CCDC198: variants seen among roughly 807,000 people sequenced by gnomAD.
CCDC198 encodes the protein factor associated with metabolism and energy.
A neutral mutation model predicts 35.6 loss-of-function variants in CCDC198; 18 were observed. The observed-to-expected ratio is 0.51, with a 90% CI of 0.35 to 0.75. The LOEUF (loss-of-function observed/expected upper bound fraction) is 0.75. CCDC198 is among the 30% of genes least tolerant of loss of function. The pLI is 0.01. For synonymous variants in CCDC198, 119 were observed against 113.4 expected (o/e 1.05, Z -0.31); for missense variants, 365 against 343.7 (o/e 1.06, Z -0.49).
intron 5 of CCDC198, among the ~76,000 whole-genome samples, 156 bp from the exon 6 acceptor site, chr14:57,471,746 A>G (rs574653946): frequency 7.1e-6 from 1 of 140,660 alleles, no homozygotes; most frequent in East Asian, 2.1e-4. Flanking sequence ...ATATATATAC[A>G]TTTCAACTGG....
intron 2 of CCDC198, among the ~76,000 whole-genome samples, chr14:57,487,138 A>T (rs74909129): frequency 6.6e-6 from 1 of 152,320 alleles, no homozygotes; most frequent in East Asian, 1.9e-4. Context: ...GAGATGCCTC[A>T]CTTCATCATC....
chr14:57,474,752 C>T (rs570522826), intron 5 of CCDC198, among the ~76,000 whole-genome samples: 40 of 152,102 alleles, frequency 2.6e-4, no homozygotes, highest in Non-Finnish European at 4.0e-4. Context: ...AAATGGGTTT[C>T]GGGTGAGCAG....
In CCDC198 at chr14:57,469,544, C is replaced by A. The variant is rs895071455; in HGVS notation, c.*1811G>T. ...CCCATTTTTTGTGTTTTAAGCCTTC[C>A]AAATTGACCACAATAAGTGAGGACA... On this transcript the variant is annotated 3_prime_UTR_variant, in exon 6 of 6. Transcript: ENST00000216445. The A allele has an allele frequency of 6.6e-6, 1 of 152,186 alleles. No individual in the cohort carries two copies. Among genetic ancestry groups the A allele is most frequent in the Admixed American group, 6.5e-5 (1 of 15,280 alleles). 9.4% of individuals were successfully genotyped at this position (152,186 alleles called of 1,614,324 possible). A position where few individuals can be genotyped will look rare whatever the true frequency, so the allele number is the denominator to read the frequency against.
intron 2 of CCDC198, among the ~76,000 whole-genome samples, chr14:57,489,476 T>C (rs941381457): frequency 6.6e-6 from 1 of 152,128 alleles, no homozygotes; most frequent in Non-Finnish European, 1.5e-5. Flanking sequence ...GTGGCACTTA[T>C]TTACTTTTAT....
Position 57,493,750 on chromosome 14 carries a change from G to A in CCDC198, c.-35C>T, listed in dbSNP as rs2067659283. On this transcript the variant is annotated 5_prime_UTR_variant, in exon 1 of 6. Transcript: ENST00000216445. ...AAGACATTCAGAGGAAAGCTGCGAG[G>A]GAAGTGGTTTTGGGGTCTTTAATAT... 1 of 1,549,764 alleles carries A rather than the reference G, an allele frequency of 6.5e-7. No homozygotes were observed. Among genetic ancestry groups the A allele is most frequent in the Non-Finnish European group, 8.9e-7 (1 of 1,127,324 alleles).
intron 1 of CCDC198, 123 bp downstream of exon 1, chr14:57,493,369 GC>G: frequency 1.2e-6 from 1 of 803,744 alleles, no homozygotes; most frequent in Non-Finnish European, 2.0e-6. Flanking sequence ...TTCAAAGATA[GC>G]CTAAATTCCT....
At chr14:57,490,446 C>T (rs1202508218) in intron 2 of CCDC198, among the ~76,000 whole-genome samples, 1 of 152,138 alleles carries the variant, frequency 6.6e-6, no homozygotes, top group African/African-American at 2.4e-5. Flanking sequence ...GATAGAAGGA[C>T]TATAGAAATT....
intron 5 of CCDC198, chr14:57,475,698 A>G: frequency 4.8e-6 from 2 of 412,374 alleles, no homozygotes; most frequent in Non-Finnish European, 9.5e-6. Context: ...CAGGAGCGAA[A>G]CTCTGTCTTA....
In CCDC198 at chr14:57,482,917, G is replaced by T. The variant is rs922619514; in HGVS notation, c.393+148C>A. 5 of 1,109,054 alleles carry T rather than the reference G, an allele frequency of 4.5e-6. No individual in the cohort carries two copies. In the African/African-American group the frequency reaches 7.8e-5, roughly 17 times the overall value. The allele number at this position is 1,109,054 out of a possible 1,614,324, so 68.7% of individuals were successfully genotyped here. On this transcript the variant is annotated intron_variant, in intron 3 of 5. Transcript: ENST00000216445. Reference sequence around the variant, plus strand: ...AGAAGAGAATAAATAGCTTTGAAAAGTTCTCACTCTGAATGACTTAACAGT... The same window carrying T: ...AGAAGAGAATAAATAGCTTTGAAAATTTCTCACTCTGAATGACTTAACAGT...
intron 1 of CCDC198, among the ~76,000 whole-genome samples, chr14:57,492,911 A>T (rs917540875): frequency 1.3e-5 from 2 of 152,178 alleles, no homozygotes; most frequent in Non-Finnish European, 2.9e-5. Flanking sequence ...AGAGCTTCCA[A>T]TCATAATGGG....
At chr14:57,476,396 C>T (rs1185992276) in intron 5 of CCDC198, among the ~76,000 whole-genome samples, 3 of 152,124 alleles carry the variant, frequency 2.0e-5, no homozygotes, top group African/African-American at 7.2e-5. Context: ...TACTGGGACT[C>T]AGGGAAGGGC....
chr14:57,493,778 CTTATTT>C lies in CCDC198; in HGVS notation c.-69_-64del. The stretch of plus-strand genomic sequence containing the variant: ...AGTGGTTTTGGGGTCTTTAATATAG[CTTATTT>C]TAATCAAAGCATTTCAGAAGTTTAC... On this transcript the variant is annotated 5_prime_UTR_variant, in exon 1 of 6. Transcript: ENST00000216445. 1 of 1,247,280 alleles carries C rather than the reference CTTATTT, an allele frequency of 8.0e-7. No individual in the cohort carries two copies. Among genetic ancestry groups the C allele is most frequent in the Non-Finnish European group, 1.1e-6 (1 of 883,850 alleles). The allele number at this position is 1,247,280 out of a possible 1,614,324, so 77.3% of individuals were successfully genotyped here.
intron 5 of CCDC198, chr14:57,478,356 TG>T: frequency 1.6e-6 from 1 of 618,810 alleles, no homozygotes; most frequent in Non-Finnish European, 2.0e-6. Context: ...TCTATCACCC[TG>T]GGGCGAATAG....
rs2066776635 is a variant in CCDC198 at position 57,469,320 on chromosome 14, T to A, written c.*2035A>T. ...ACACATTCATTAATTCAGCAAACAT[T>A]TAATGATAAACTCTTTGCCAGCTGT... On this transcript the variant is annotated 3_prime_UTR_variant, in exon 6 of 6. Coordinates refer to ENST00000216445, the MANE Select transcript of CCDC198 (RefSeq NM_018168.4). 6.6e-6 allele frequency: 1 copy of A among 152,196 alleles called. No individual in the cohort carries two copies. Among genetic ancestry groups the A allele is most frequent in the Non-Finnish European group, 1.5e-5 (1 of 68,042 alleles). The allele number at this position is 152,196 out of a possible 1,614,324, so 9.4% of individuals were successfully genotyped here.
chr14:57,489,740 A>G (rs977822510), intron 2 of CCDC198, among the ~76,000 whole-genome samples: 1 of 152,148 alleles, frequency 6.6e-6, no homozygotes, highest in Non-Finnish European at 1.5e-5. Flanking sequence ...TATAAAAAGT[A>G]CTTGTGAGCT....
At chr14:57,487,163 AATGG>A (rs1292056823) in intron 2 of CCDC198, among the ~76,000 whole-genome samples, 2 of 152,202 alleles carry the variant, frequency 1.3e-5, no homozygotes, top group African/African-American at 4.8e-5. Context: ...AAGAGAACAC[AATGG>A]AAGGAACTAC....
chr14:57,491,046 G>GA lies in CCDC198; in HGVS notation c.248dup (p.Leu85ThrfsTer10). 1 of 1,611,164 alleles carries GA rather than the reference G, an allele frequency of 6.2e-7. No homozygotes were observed. The highest frequency in any genetic ancestry group is 8.5e-7 in the Non-Finnish European group (1 of 1,177,940). ...TACTTGTTTCTCTGTGTTCCAGTGG[G>GA]ATGTCAAAATACATGTCTCTGGATG... On this transcript the variant is annotated frameshift_variant, in exon 2 of 6. Transcript: ENST00000216445. LOFTEE classifies it high-confidence loss of function.
In CCDC198 at chr14:57,483,148, G is replaced by A; in HGVS notation, c.310C>T (p.Leu104Phe). The change falls in exon 3 of 6, where the codon CTT becomes TTT. Residue 104 changes from leucine (L) to phenylalanine (F), a missense_variant. Leu to Phe is a conservative substitution (Grantham distance 22). Transcript: ENST00000216445. ...ACTCGTGGCAAGTCAATGGGTTCAA[G>A]CTTCTAGAAGTTCAACGTTTAGAGC... ...KRHPPQRLQK[L>F]EPIDLPRVIT... 1 of 1,614,046 alleles carries A rather than the reference G, an allele frequency of 6.2e-7. No homozygotes were observed. Among genetic ancestry groups the A allele is most frequent in the Non-Finnish European group, 8.5e-7 (1 of 1,179,966 alleles).
Position 57,478,133 on chromosome 14 carries a change from C to T in CCDC198, c.655+2462G>A, listed in dbSNP as rs370994412. Among the ~76,000 whole-genome samples, 12 of 152,320 alleles carry T rather than the reference C, an allele frequency of 7.9e-5. 1 individual carries two copies. The South Asian group carries it at 1.4e-3, about 18-fold the overall frequency. On this transcript the variant is annotated intron_variant, in intron 5 of 5. Coordinates refer to ENST00000216445, the MANE Select transcript of CCDC198 (RefSeq NM_018168.4). ...TCCCTTCTCTACACTCCATCACTTCCAGGAGAACATGAGCTCCAAAGTCTG... is the reference window on the plus strand; with the variant it reads ...TCCCTTCTCTACACTCCATCACTTCTAGGAGAACATGAGCTCCAAAGTCTG...
Sources: gnomAD v4.1 joint callset for allele counts (sites outside exome capture counted in the v4.1 genomes callset) on GRCh38, gnomAD v4.1.1 for gene constraint, MANE v1.5 for transcripts, NCBI Gene and HGNC (gene_info 2026-07-23, HGNC 2026-07-21) for gene names.